The following ANK3 variants were observed in gnomAD, a reference collection of about 807,000 sequenced individuals.
ANK3 encodes ankyrin 3.
ANK3 carries 57 observed loss-of-function variants against 370.9 expected under a neutral mutation model. That is an observed-to-expected ratio of 0.15 (90% CI 0.12 to 0.19). The LOEUF (loss-of-function observed/expected upper bound fraction) is 0.19. ANK3 is among the 10% of genes least tolerant of loss of function. The pLI, the probability that ANK3 is intolerant of heterozygous loss-of-function variation, is 1.00. For synonymous variants in ANK3, 1,929 were observed against 1,946.3 expected, an observed-to-expected ratio of 0.99 and a Z score of 0.23; for missense variants, 4,439 against 5,302.1, an observed-to-expected ratio of 0.84 and a Z score of 5.06.
At chr10:60,341,725 CTGAG>C (rs1054466473) in intron 1 of ANK3, among the ~76,000 whole-genome samples, 3 of 152,192 alleles carry the variant, frequency 2.0e-5, no homozygotes, top group African/African-American at 7.2e-5. Flanking sequence ...AGAGTCAGCA[CTGAG>C]TGATTGGTTT....
chr10:60,250,572 A>G (rs10994281), intron 7 of ANK3, among the ~76,000 whole-genome samples: 26,145 of 151,922 alleles, frequency 0.17, 2,800 homozygotes, highest in South Asian at 0.27. Flanking sequence ...TCACCATGTT[A>G]GCCAGGATGG....
chr10:60,370,868 T>C (rs1258805911), intron 1 of ANK3, among the ~76,000 whole-genome samples: 1 of 152,168 alleles, frequency 6.6e-6, no homozygotes, highest in Non-Finnish European at 1.5e-5. Context: ...CATTTCTTAC[T>C]TTGCAAACAT....
intron 1 of ANK3, among the ~76,000 whole-genome samples, chr10:60,283,720 T>C (rs2098200588): frequency 6.6e-6 from 1 of 152,152 alleles, no homozygotes; most frequent in Non-Finnish European, 1.5e-5. Flanking sequence ...TAACTCAGCA[T>C]CTTTACCGGC....
chr10:60,509,094 G>A (rs1160853827), intron 2 of ANK3, among the ~76,000 whole-genome samples: 14 of 152,118 alleles, frequency 9.2e-5, no homozygotes, highest in Admixed American at 9.2e-4. Context: ...CGTAAATAGA[G>A]CAGCAAATAC....
intron 1 of ANK3, among the ~76,000 whole-genome samples, chr10:60,719,076 G>A (rs972622090): frequency 2.0e-5 from 3 of 151,992 alleles, no homozygotes; most frequent in Non-Finnish European, 4.4e-5. Flanking sequence ...GACAAATATT[G>A]TGACTTCTTT....
chr10:60,448,690 G>C (rs762915669), intron 2 of ANK3, among the ~76,000 whole-genome samples: 1 of 152,310 alleles, frequency 6.6e-6, no homozygotes, highest in East Asian at 1.9e-4. Flanking sequence ...TAGCCAGTTG[G>C]GGAGAACAGC....
chr10:60,654,423 C>T (rs1253237865), intron 1 of ANK3, among the ~76,000 whole-genome samples: 1 of 152,134 alleles, frequency 6.6e-6, no homozygotes, highest in Non-Finnish European at 1.5e-5. Flanking sequence ...ATAATGGTAG[C>T]TATGGATTTT....
At chr10:60,567,830 C>A (rs998124190) in intron 2 of ANK3, among the ~76,000 whole-genome samples, 1 of 152,132 alleles carries the variant, frequency 6.6e-6, no homozygotes, top group Non-Finnish European at 1.5e-5. Context: ...TCATAGACAA[C>A]TTTGGGGGCT....
chr10:60,134,435 AT>A, intron 24 of ANK3, 62 bp from the exon 25 acceptor site: 1 of 1,289,806 alleles, frequency 7.8e-7, no homozygotes, highest in Non-Finnish European at 1.1e-6. Context: ...ATAAAAAAAA[AT>A]TAATGCATGC....
intron 1 of ANK3, among the ~76,000 whole-genome samples, chr10:60,318,980 T>C (rs1237906071): frequency 2.0e-5 from 3 of 152,238 alleles, no homozygotes; most frequent in Non-Finnish European, 4.4e-5. Flanking sequence ...TACCACTGAA[T>C]TCTGAAGAAC....
Position 60,073,118 on chromosome 10 carries a change from A to C in ANK3, c.7763T>G (p.Leu2588Arg), listed in dbSNP as rs1441690472. 1 of 1,614,130 alleles carries C rather than the reference A, an allele frequency of 6.2e-7. No homozygotes were observed. The highest frequency in any genetic ancestry group is 1.3e-5 in the African/African-American group (1 of 75,048). Reference sequence around the variant, plus strand: ...ACGAAAAAACTGTGACACTTCAGTCAGTTTTTCTTCAGCCTCCTTCACAGT... The same window carrying C: ...ACGAAAAAACTGTGACACTTCAGTCCGTTTTTCTTCAGCCTCCTTCACAGT... ...DRTVKEAEEK[L>R]TEVSQFFRDK... is the part of the protein sequence containing the mutation. Residue 2588 changes from leucine (L) to arginine (R), a missense_variant, in exon 37 of 44, where the codon CTG (leucine) becomes CGG (arginine). Leu to Arg is a moderately radical substitution (Grantham distance 102). This residue lies in a region of ANK3 where 1,601 missense variants were observed against 1,731.7 expected (regional missense o/e 0.92). Coordinates refer to ENST00000280772, the MANE Select transcript of ANK3 (RefSeq NM_020987.5).
At chr10:60,415,089 A>C (rs1346108090) in intron 2 of ANK3, among the ~76,000 whole-genome samples, 1 of 152,146 alleles carries the variant, frequency 6.6e-6, no homozygotes, top group Non-Finnish European at 1.5e-5. Context: ...CAGGAGAAAG[A>C]AAAACCAGAT....
At chr10:60,711,734 G>A (rs1036790596) in intron 1 of ANK3, among the ~76,000 whole-genome samples, 10 of 152,114 alleles carry the variant, frequency 6.6e-5, no homozygotes, top group African/African-American at 2.4e-5. Context: ...TTCAGGGAAA[G>A]CCAGCAGAAT....
chr10:60,675,360 G>T (rs2079111774), intron 1 of ANK3, among the ~76,000 whole-genome samples: 2 of 152,144 alleles, frequency 1.3e-5, no homozygotes, highest in South Asian at 4.1e-4. Context: ...AGCCAGACTA[G>T]CATCACTCAC....
intron 2 of ANK3, among the ~76,000 whole-genome samples, chr10:60,483,848 C>A (rs971320134): frequency 1.3e-5 from 2 of 152,082 alleles, no homozygotes; most frequent in African/African-American, 4.8e-5. Context: ...ATTCTTAGGT[C>A]ACAAAGGGCT....
At chr10:60,329,553 A>C (rs1238983248) in intron 1 of ANK3, among the ~76,000 whole-genome samples, 4 of 152,178 alleles carry the variant, frequency 2.6e-5, no homozygotes, top group African/African-American at 9.6e-5. Context: ...AGAGATTAAA[A>C]TACCTAGGAA....
intron 1 of ANK3, among the ~76,000 whole-genome samples, chr10:60,352,259 G>C (rs574423960): frequency 6.6e-6 from 1 of 152,172 alleles, no homozygotes; most frequent in African/African-American, 2.4e-5. Context: ...TCACGCCACT[G>C]TACTCCATCC....
chr10:60,469,120 C>T (rs1192226061), intron 2 of ANK3, among the ~76,000 whole-genome samples: 2 of 48,830 alleles, frequency 4.1e-5, no homozygotes, highest in Non-Finnish European at 7.9e-5. Context: ...TATATATATA[C>T]CACTTTTAGT....
chr10:60,245,401 T>A (rs545620600), intron 7 of ANK3, among the ~76,000 whole-genome samples: 15 of 152,350 alleles, frequency 9.8e-5, no homozygotes, highest in African/African-American at 3.6e-4. Context: ...GTGATTTTTT[T>A]ATTCCATTCA....
Sources: gnomAD v4.1 joint callset for allele counts (sites outside exome capture counted in the v4.1 genomes callset) on GRCh38, gnomAD v4.1.1 for gene constraint, gnomAD v4.1.1 regional missense constraint, MANE v1.5 for transcripts, NCBI Gene and HGNC (gene_info 2026-07-23, HGNC 2026-07-21) for gene names.